SMYD3: variants seen among roughly 807,000 people sequenced by gnomAD.
The protein encoded by SMYD3 is SET and MYND domain containing 3, also known as histone-lysine N-methyltransferase SMYD3.
A neutral mutation model predicts 57.7 loss-of-function variants in SMYD3; 36 were observed. The observed-to-expected ratio is 0.62, with a 90% confidence interval of 0.48 to 0.82. SMYD3 has a LOEUF of 0.82. SMYD3 is among the 40% of genes least tolerant of loss of function. The probability of loss-of-function intolerance (pLI) is 0.00; values close to 1 mark genes in which losing one functional copy is unlikely to be tolerated. For synonymous variants in SMYD3, 211 were observed against 195.0 expected (o/e 1.08, Z -0.68); for missense variants, 515 against 538.8 (o/e 0.96, Z 0.44).
In SMYD3 at chr1:246,399,625, G is replaced by A. The variant is rs186043635; in HGVS notation, c.165-44531C>T. ...TTCCAATAGTGCTGGGACTACAGGC[G>A]TGAGCTACCATGCCCAGCCTCTCAT... On this transcript the variant is annotated intron_variant, in intron 1 of 11. Coordinates refer to ENST00000490107, the MANE Select transcript of SMYD3 (RefSeq NM_001167740.2). 2.8e-3 allele frequency among the ~76,000 whole-genome samples: 423 copies of A among 152,242 alleles called. 1 individual carries two copies. Among genetic ancestry groups the A allele is most frequent in the Non-Finnish European group, 4.5e-3 (303 of 68,024 alleles).
intron 10 of SMYD3, among the ~76,000 whole-genome samples, chr1:245,784,285 A>G (rs768296741): frequency 1.3e-5 from 2 of 152,214 alleles, no homozygotes; most frequent in Non-Finnish European, 2.9e-5. Context: ...GAGGTATCTA[A>G]GCATCTATGT....
At chr1:246,239,131 G>A (rs2063559953) in intron 5 of SMYD3, among the ~76,000 whole-genome samples, 3 of 152,038 alleles carry the variant, frequency 2.0e-5, no homozygotes, top group Admixed American at 2.0e-4. Flanking sequence ...AAGTTCTAAG[G>A]TACATGTGCA....
chr1:245,853,788 C>A (rs1480676864), intron 10 of SMYD3, among the ~76,000 whole-genome samples: 10 of 152,184 alleles, frequency 6.6e-5, no homozygotes, highest in African/African-American at 2.4e-4. Flanking sequence ...CTGACAATCT[C>A]TCAGTTACAA....
At chr1:246,455,296 C>T (rs1455405629) in intron 1 of SMYD3, among the ~76,000 whole-genome samples, 2 of 152,080 alleles carry the variant, frequency 1.3e-5, no homozygotes, top group Admixed American at 1.3e-4. Context: ...AAAACCACCA[C>T]ATTTGCTTAT....
At chr1:246,095,884 CAAG>C (rs1385546541) in intron 5 of SMYD3, among the ~76,000 whole-genome samples, 1 of 152,102 alleles carries the variant, frequency 6.6e-6, no homozygotes, top group Admixed American at 6.5e-5. Context: ...CAAAAAAATA[CAAG>C]AACAGTAAAT....
chr1:245,942,798 C>G (rs1186356312), intron 5 of SMYD3, among the ~76,000 whole-genome samples: 2 of 152,152 alleles, frequency 1.3e-5, no homozygotes, highest in Non-Finnish European at 1.5e-5. Flanking sequence ...CAGACCACAG[C>G]ACAATCAAAT....
At chr1:245,750,947 G>A (rs1031984788) in intron 11 of SMYD3, among the ~76,000 whole-genome samples, 2 of 152,176 alleles carry the variant, frequency 1.3e-5, no homozygotes, top group Non-Finnish European at 2.9e-5. Context: ...ATCAACAGCT[G>A]AAGCCTGCTC....
intron 5 of SMYD3, among the ~76,000 whole-genome samples, chr1:246,125,486 C>T (rs1340667656): frequency 2.0e-5 from 3 of 152,048 alleles, no homozygotes; most frequent in Non-Finnish European, 4.4e-5. Context: ...TTTCAGATAC[C>T]TCTTCACTTT....
chr1:245,818,715 G>A (rs1402875835), intron 10 of SMYD3, among the ~76,000 whole-genome samples: 19 of 150,856 alleles, frequency 1.3e-4, no homozygotes, highest in South Asian at 4.2e-4. Context: ...CCAAGCAAAT[G>A]GAAAACAAAA....
chr1:246,439,588 C>T (rs567736633), intron 1 of SMYD3, among the ~76,000 whole-genome samples: 1 of 152,156 alleles, frequency 6.6e-6, no homozygotes, highest in East Asian at 1.9e-4. Context: ...CTTCTCTCCT[C>T]TCACAGTCAC....
At chr1:246,387,679 G>A (rs1230129677) in intron 1 of SMYD3, among the ~76,000 whole-genome samples, 1 of 152,196 alleles carries the variant, frequency 6.6e-6, no homozygotes, top group East Asian at 1.9e-4. Flanking sequence ...AAGAAAACCT[G>A]AAGGAAAAGT....
intron 5 of SMYD3, among the ~76,000 whole-genome samples, chr1:245,933,470 A>G (rs956707): frequency 0.033 from 5,034 of 152,310 alleles, 233 homozygotes; most frequent in Admixed American, 0.12. Flanking sequence ...AACTAATTGA[A>G]AGCCTTCATA....
chr1:245,839,373 G>A (rs541638859), intron 10 of SMYD3, among the ~76,000 whole-genome samples: 2 of 151,952 alleles, frequency 1.3e-5, no homozygotes, highest in South Asian at 2.1e-4. Context: ...GTTTCACCGT[G>A]TTAGCCAGGA....
intron 5 of SMYD3, among the ~76,000 whole-genome samples, chr1:246,040,554 A>T (rs2059851557): frequency 6.6e-6 from 1 of 152,194 alleles, no homozygotes. Context: ...CAAACAGAGA[A>T]ACAATTTAAG....
chr1:246,234,761 A>T (rs984126373), intron 5 of SMYD3, among the ~76,000 whole-genome samples: 5 of 152,240 alleles, frequency 3.3e-5, no homozygotes, highest in Non-Finnish European at 7.3e-5. Context: ...ATGTTAATTT[A>T]AAAATAATAT....
chr1:245,841,464 G>A (rs2050397384), intron 10 of SMYD3, among the ~76,000 whole-genome samples: 1 of 152,006 alleles, frequency 6.6e-6, no homozygotes, highest in African/African-American at 2.4e-5. Context: ...CCTTTATTGT[G>A]TATTTCTAAC....
At chr1:246,054,298 G>A (rs1299400950) in intron 5 of SMYD3, among the ~76,000 whole-genome samples, 2 of 152,136 alleles carry the variant, frequency 1.3e-5, no homozygotes, top group East Asian at 3.8e-4. Flanking sequence ...AGAGCAACTG[G>A]AACTCTCATA....
At chr1:245,852,676 T>C (rs1465436823) in intron 10 of SMYD3, among the ~76,000 whole-genome samples, 2 of 152,216 alleles carry the variant, frequency 1.3e-5, no homozygotes, top group East Asian at 3.8e-4. Context: ...TCCCTCTTTC[T>C]CTATTTTCCC....
chr1:245,809,556 C>T (rs2048350375), intron 10 of SMYD3, among the ~76,000 whole-genome samples: 2 of 152,222 alleles, frequency 1.3e-5, no homozygotes, highest in African/African-American at 4.8e-5. Flanking sequence ...GCTGGTCATA[C>T]AGACAAAAAC....
Sources: allele counts gnomAD v4.1 joint callset (sites outside exome capture counted in the v4.1 genomes callset), GRCh38; gene constraint gnomAD v4.1.1; transcripts MANE v1.5; gene names NCBI Gene and HGNC (gene_info 2026-07-23, HGNC 2026-07-21).